Variants in MRPL1 observed in about 807,000 individuals in gnomAD.
MRPL1 encodes the protein mitochondrial ribosomal protein L1, also known as large ribosomal subunit protein uL1m.
MRPL1 carries 28 observed loss-of-function variants against 38.0 expected under a neutral mutation model. The ratio of observed to expected loss-of-function variants is 0.74; its 90% confidence interval spans 0.55 to 1.01. The LOEUF (loss-of-function observed/expected upper bound fraction) is 1.01. MRPL1 is among the 50% of genes least tolerant of loss of function. The pLI, the probability that MRPL1 is intolerant of heterozygous loss-of-function variation, is 0.00. For missense variants in MRPL1, 358 were observed against 389.8 expected (o/e 0.92, Z 0.69); for synonymous variants, 123 against 126.7 (o/e 0.97, Z 0.20).
intron 2 of MRPL1, among the ~76,000 whole-genome samples, chr4:77,875,546 G>A (rs1458279337): frequency 6.6e-6 from 1 of 151,984 alleles, no homozygotes; most frequent in African/African-American, 2.4e-5. Context: ...TGGCTACTCA[G>A]GAGACTGAGG....
intron 7 of MRPL1, among the ~76,000 whole-genome samples, chr4:77,921,602 GA>G (rs1480327429): frequency 6.6e-6 from 1 of 152,022 alleles, no homozygotes; most frequent in Non-Finnish European, 1.5e-5. Context: ...TATCTTTGAA[GA>G]AAAACATGCT....
chr4:77,866,412 T>TA (rs923532268), intron 1 of MRPL1, among the ~76,000 whole-genome samples: 6 of 152,242 alleles, frequency 3.9e-5, no homozygotes, highest in African/African-American at 1.4e-4. Context: ...AATATTAACT[T>TA]ACTGTTTCTT....
chr4:77,924,150 T>C (rs906423903), intron 7 of MRPL1, among the ~76,000 whole-genome samples: 5 of 152,164 alleles, frequency 3.3e-5, no homozygotes, highest in African/African-American at 4.8e-5. Context: ...AATATAGTTA[T>C]ACAAGAATCT....
chr4:77,894,182 C>A lies in MRPL1; in HGVS notation c.602C>A (p.Pro201Gln). The A allele has an allele frequency of 6.2e-7, 1 of 1,605,206 alleles. No individual in the cohort carries two copies. The highest frequency in any genetic ancestry group is 1.7e-5 in the Admixed American group (1 of 58,584). The change falls in exon 6 of 9, where the codon CCA (proline) becomes CAA (glutamine). Residue 201 changes from proline (P) to glutamine (Q), a missense_variant. By Grantham distance (76) the Pro-to-Gln change is moderately conservative. Transcript: ENST00000315567. The part of the protein sequence containing the change: ...EIVADFYVAV[P>Q]EIMPELNRLR... ...GTTGCAGACTTTTACGTAGCTGTTC[C>A]AGAAATAATGCCTGAACTTAATCGA...
chr4:77,867,758 T>C (rs900018917), intron 1 of MRPL1, among the ~76,000 whole-genome samples: 3 of 137,870 alleles, frequency 2.2e-5, no homozygotes, highest in African/African-American at 3.1e-5. Context: ...TTTTTTTTTT[T>C]TTTTTTTTTT....
intron 1 of MRPL1, chr4:77,863,092 G>T: frequency 1.7e-6 from 1 of 605,538 alleles, no homozygotes; most frequent in Non-Finnish European, 2.8e-6. Flanking sequence ...GGGAGGGAGT[G>T]GGAGCGGGAC....
In MRPL1 at chr4:77,940,958, G is replaced by A. The variant is rs148960861; in HGVS notation, c.778-8839G>A. On this transcript the variant is annotated intron_variant, in intron 7 of 8. Transcript: ENST00000315567. ...TTTGGTCAGCTAGTATTTTGTTAAGGATTTTTGCATCTATAGGCTGGGTGC... is the reference window on the plus strand; with the variant it reads ...TTTGGTCAGCTAGTATTTTGTTAAGAATTTTTGCATCTATAGGCTGGGTGC... Among the ~76,000 whole-genome samples the A allele has an allele frequency of 1.8e-4, 28 of 152,208 alleles. No individual in the cohort carries two copies. In the East Asian group the frequency reaches 5.0e-3, roughly 27 times the overall value.
At chr4:77,934,824 T>C (rs1405984320) in intron 7 of MRPL1, among the ~76,000 whole-genome samples, 5 of 152,136 alleles carry the variant, frequency 3.3e-5, no homozygotes, top group African/African-American at 9.7e-5. Context: ...AGCACACACA[T>C]GGAATGCAAT....
chr4:77,867,757 T>TC (rs1300200148), intron 1 of MRPL1, among the ~76,000 whole-genome samples: 23 of 137,198 alleles, frequency 1.7e-4, no homozygotes, highest in Middle Eastern at 7.0e-3. Flanking sequence ...TTTTTTTTTT[T>TC]TTTTTTTTTT....
intron 5 of MRPL1, among the ~76,000 whole-genome samples, chr4:77,892,868 T>C (rs1318479916): frequency 6.6e-6 from 1 of 152,218 alleles, no homozygotes; most frequent in Non-Finnish European, 1.5e-5. Flanking sequence ...TCAATACTGG[T>C]ACCTGTCTCA....
intron 6 of MRPL1, among the ~76,000 whole-genome samples, chr4:77,894,718 G>T (rs1443691297): frequency 2.6e-5 from 4 of 151,862 alleles, no homozygotes; most frequent in Admixed American, 2.6e-4. Context: ...AGAAAGTTAA[G>T]GTCACTAAAT....
At position 77,894,135 on chromosome 4, in the gene MRPL1, T is replaced by G; in HGVS notation, c.559-4T>G. 6.4e-7 allele frequency: 1 copy of G among 1,559,974 alleles called. No homozygotes were observed. Among genetic ancestry groups the G allele is most frequent in the Non-Finnish European group, 8.8e-7 (1 of 1,142,580 alleles). ...GAGGTCACCTTTTTTTTTTTAATTT[T>G]CAGATTTGGGATGATGAAATTGTTG... On this transcript the variant is annotated splice_region_variant and splice_polypyrimidine_tract_variant and intron_variant, in intron 5 of 8. Transcript: ENST00000315567.
intron 7 of MRPL1, among the ~76,000 whole-genome samples, chr4:77,921,231 T>C (rs948175363): frequency 1.3e-5 from 2 of 152,198 alleles, no homozygotes; most frequent in Non-Finnish European, 2.9e-5. Flanking sequence ...GCCTGCCGAG[T>C]GGCAAAAACT....
At chr4:77,933,055 T>G (rs1232731578) in intron 7 of MRPL1, among the ~76,000 whole-genome samples, 2 of 152,112 alleles carry the variant, frequency 1.3e-5, no homozygotes, top group African/African-American at 4.8e-5. Flanking sequence ...AGTCAAGGGA[T>G]CCTCCTTTTT....
chr4:77,870,475 A>G (rs1369290099), intron 1 of MRPL1, among the ~76,000 whole-genome samples: 4 of 152,246 alleles, frequency 2.6e-5, no homozygotes, highest in Admixed American at 2.6e-4. Context: ...AAATGTATGC[A>G]TGTACACACA....
intron 2 of MRPL1, among the ~76,000 whole-genome samples, chr4:77,879,158 A>G (rs1735471863): frequency 6.6e-6 from 1 of 152,218 alleles, no homozygotes; most frequent in African/African-American, 2.4e-5. Flanking sequence ...AGAGCTTTAT[A>G]TAATTGCATG....
intron 7 of MRPL1, among the ~76,000 whole-genome samples, chr4:77,918,165 C>G (rs1322957459): frequency 6.6e-6 from 1 of 151,802 alleles, no homozygotes; most frequent in Non-Finnish European, 1.5e-5. Flanking sequence ...AGGATGGGTT[C>G]TAGGAGGAGT....
At position 77,867,542 on chromosome 4, in the gene MRPL1, TTTTTCTTTTTCTTTTC is replaced by T. The variant is rs570726902; in HGVS notation, c.32-4193_32-4178del. Among the ~76,000 whole-genome samples, 642 of 142,804 alleles carry T rather than the reference TTTTTCTTTTTCTTTTC, an allele frequency of 4.5e-3. 7 individuals carry two copies. Among genetic ancestry groups the T allele is most frequent in the African/African-American group, 0.017 (618 of 35,762 alleles). 93.7% of individuals were successfully genotyped at this position (142,804 alleles called of 152,430 possible). ...TAATTGGATAATTCTTTTCTTTTTC[TTTTTCTTTTTCTTTTC>T]TTTTCTTTCAAGAGACGGGGTCTCA... On this transcript the variant is annotated intron_variant, in intron 1 of 8. Coordinates refer to ENST00000315567, the MANE Select transcript of MRPL1 (RefSeq NM_020236.4).
At chr4:77,883,047 C>T (rs1193846410) in intron 2 of MRPL1, among the ~76,000 whole-genome samples, 195 bp from the exon 3 acceptor site, 2 of 152,172 alleles carry the variant, frequency 1.3e-5, no homozygotes, top group African/African-American at 4.8e-5. Flanking sequence ...GGTAATTCAA[C>T]TTATTCATGA....
Sources: gnomAD v4.1 joint callset for allele counts (sites outside exome capture counted in the v4.1 genomes callset) on GRCh38, gnomAD v4.1.1 for gene constraint, MANE v1.5 for transcripts, NCBI Gene and HGNC (gene_info 2026-07-23, HGNC 2026-07-21) for gene names.